STARD13: variants seen among roughly 807,000 people sequenced by gnomAD.
STARD13 encodes stAR-related lipid transfer protein 13.
Under a neutral mutation model 106.4 loss-of-function variants are expected in STARD13, and 62 were observed. That is an observed-to-expected ratio of 0.58 (90% confidence interval 0.48 to 0.72). The LOEUF (loss-of-function observed/expected upper bound fraction) is 0.72, where lower values mean the gene tolerates loss of function less well. Ranked by LOEUF, STARD13 falls within the 30% of genes least tolerant of loss-of-function variation. The probability of loss-of-function intolerance (pLI) is 0.00; values close to 1 mark genes in which losing one functional copy is unlikely to be tolerated. For synonymous variants in STARD13, 565 were observed against 553.0 expected, an observed-to-expected ratio of 1.02 and a Z score of -0.31; for missense variants, 1,387 against 1,424.0, an observed-to-expected ratio of 0.97 and a Z score of 0.42.
the STARD13 span, among the ~76,000 whole-genome samples, chr13:33,602,292 C>T: frequency 4.6e-5 from 7 of 152,094 alleles, no homozygotes; most frequent in African/African-American, 7.2e-5. Context: ...AGGGTTTCAT[C>T]GTGTTAGCCA....
chr13:33,353,836 T>C (rs1344096312), upstream of STARD13, among the ~76,000 whole-genome samples: 1 of 151,974 alleles, frequency 6.6e-6, no homozygotes, highest in Non-Finnish European at 1.5e-5. Context: ...GTTTGTTTGT[T>C]TGTGGTTGGT....
the STARD13 span, among the ~76,000 whole-genome samples, chr13:33,407,925 A>C: frequency 1.3e-5 from 2 of 152,162 alleles, no homozygotes; most frequent in Non-Finnish European, 2.9e-5. Flanking sequence ...AATTGTAGCA[A>C]TGTATTTTCA....
chr13:33,126,348 G>T, intron 6 of STARD13, 108 bp from the exon 7 acceptor site: 1 of 1,012,770 alleles, frequency 9.9e-7, no homozygotes, highest in Non-Finnish European at 1.5e-6. Context: ...ATACCCAACA[G>T]ATGCGGGGTG....
At chr13:33,647,873 T>C in the STARD13 span, among the ~76,000 whole-genome samples, 2 of 152,130 alleles carry the variant, frequency 1.3e-5, no homozygotes, top group Non-Finnish European at 2.9e-5. Flanking sequence ...ACAATACATA[T>C]ATAATCAAAT....
chr13:33,670,393 C>T, the STARD13 span, among the ~76,000 whole-genome samples: 3 of 152,106 alleles, frequency 2.0e-5, no homozygotes, highest in Non-Finnish European at 2.9e-5. Flanking sequence ...CACCAAAGAT[C>T]GCGTTGCATT....
At chr13:33,480,242 G>C in the STARD13 span, among the ~76,000 whole-genome samples, 1 of 152,132 alleles carries the variant, frequency 6.6e-6, no homozygotes, top group African/African-American at 2.4e-5. Flanking sequence ...AATAGAGATA[G>C]AAGCTAGGAC....
intron 3 of STARD13, among the ~76,000 whole-genome samples, chr13:33,142,711 G>T (rs2138236069): frequency 6.6e-6 from 1 of 152,258 alleles, no homozygotes; most frequent in East Asian, 1.9e-4. Flanking sequence ...TTGCCACCTT[G>T]ACCTTGCATC....
At chr13:33,481,984 A>G in the STARD13 span, among the ~76,000 whole-genome samples, 10 of 144,040 alleles carry the variant, frequency 6.9e-5, no homozygotes, top group African/African-American at 1.5e-4. Flanking sequence ...CTCCGTCTCG[A>G]AAAAAAAAAA....
At chr13:33,568,456 G>A in the STARD13 span, among the ~76,000 whole-genome samples, 1 of 147,986 alleles carries the variant, frequency 6.8e-6, no homozygotes, top group East Asian at 2.0e-4. Context: ...GAGCTCTAAA[G>A]ATTTTCTTAA....
intron 1 of STARD13, among the ~76,000 whole-genome samples, chr13:33,207,500 A>T (rs1371594659): frequency 6.6e-6 from 1 of 152,224 alleles, no homozygotes; most frequent in Non-Finnish European, 1.5e-5. Context: ...CAGATACTTC[A>T]AGGTTGAGAG....
At chr13:33,207,942 C>T (rs1313916852) in intron 1 of STARD13, among the ~76,000 whole-genome samples, 1 of 152,194 alleles carries the variant, frequency 6.6e-6, no homozygotes, top group African/African-American at 2.4e-5. Context: ...CAATGAGCTT[C>T]TGTGCTCTTG....
At chr13:33,654,995 G>A in the STARD13 span, among the ~76,000 whole-genome samples, 5 of 152,126 alleles carry the variant, frequency 3.3e-5, no homozygotes, top group South Asian at 2.1e-4. Flanking sequence ...TGCTAGTCCC[G>A]TCCCTCACCC....
At chr13:33,555,595 A>G in the STARD13 span, among the ~76,000 whole-genome samples, 11 of 152,194 alleles carry the variant, frequency 7.2e-5, no homozygotes, top group African/African-American at 2.7e-4. Context: ...CTGTAGTCCA[A>G]CCTAACCTCA....
chr13:33,163,648 AT>A (rs1882947633), intron 3 of STARD13, among the ~76,000 whole-genome samples: 1 of 134,554 alleles, frequency 7.4e-6, no homozygotes, highest in Admixed American at 7.9e-5. Flanking sequence ...TAACATATAT[AT>A]ATATAAAACA....
intron 3 of STARD13, among the ~76,000 whole-genome samples, chr13:33,161,280 G>A (rs1414961480): frequency 6.6e-6 from 1 of 151,852 alleles, no homozygotes; most frequent in African/African-American, 2.4e-5. Flanking sequence ...CTAACAAGAG[G>A]AATAGGGAAA....
chr13:33,552,436 C>T, the STARD13 span, among the ~76,000 whole-genome samples: 9 of 152,098 alleles, frequency 5.9e-5, no homozygotes, highest in African/African-American at 1.4e-4. Context: ...ACATAAAGTA[C>T]GTTCTTTGAC....
the STARD13 span, among the ~76,000 whole-genome samples, chr13:33,370,051 A>G: frequency 6.6e-6 from 1 of 152,368 alleles, no homozygotes; most frequent in African/African-American, 2.4e-5. Flanking sequence ...GCTATTTGCC[A>G]GAACAATTTA....
intron 3 of STARD13, among the ~76,000 whole-genome samples, chr13:33,147,031 A>G (rs1880640672): frequency 1.3e-5 from 2 of 152,230 alleles, no homozygotes. Flanking sequence ...GAAAACCCCC[A>G]GTTCACAGCG....
At chr13:33,480,050 G>T in the STARD13 span, among the ~76,000 whole-genome samples, 1 of 152,160 alleles carries the variant, frequency 6.6e-6, no homozygotes, top group Non-Finnish European at 1.5e-5. Flanking sequence ...ATTCTTAAAT[G>T]AAAAGATCAA....
Sources: gnomAD v4.1 joint callset for allele counts (sites outside exome capture counted in the v4.1 genomes callset) on GRCh38, gnomAD v4.1.1 for gene constraint, MANE v1.5 for transcripts, NCBI Gene and HGNC (gene_info 2026-07-23, HGNC 2026-07-21) for gene names.